Variants in CFAP20DC observed in about 807,000 individuals in gnomAD.
CFAP20DC encodes protein CFAP20DC.
Under a neutral mutation model 101.7 loss-of-function variants are expected in CFAP20DC, and 84 were observed. The ratio of observed to expected loss-of-function variants is 0.83; its 90% CI spans 0.69 to 0.99. CFAP20DC has a LOEUF of 0.99. Ranked by LOEUF, CFAP20DC falls within the 50% of genes least tolerant of loss-of-function variation. The pLI is 0.00. For missense variants in CFAP20DC, 1,007 were observed against 970.3 expected, an observed-to-expected ratio of 1.04 and a Z score of -0.50; for synonymous variants, 359 against 351.2, an observed-to-expected ratio of 1.02 and a Z score of -0.25.
rs1006243305 is a variant in CFAP20DC at position 58,861,941 on chromosome 3, T to C, written c.1593+1617A>G. The C allele has an allele frequency of 7.3e-5, 72 of 983,724 alleles. No homozygotes were observed. Among genetic ancestry groups the C allele is most frequent in the Non-Finnish European group, 8.6e-5 (71 of 828,492 alleles). 60.9% of individuals were successfully genotyped at this position (983,724 alleles called of 1,614,324 possible). ...TCTGCATAATAAACGTTGAAGGATG[T>C]CAGAGGCAGAGTAGCTACAGCAAAA... On this transcript the variant is annotated intron_variant, in intron 12 of 16. Transcript: ENST00000482387. The surrounding 1 kb of genome is among the most constrained non-coding windows in gnomAD (Gnocchi z 4.0).
At chr3:58,887,320 TAGA>T (rs1341267824) in intron 6 of CFAP20DC, 4 of 152,206 alleles carry the variant, frequency 2.6e-5, no homozygotes, top group Admixed American at 2.0e-4. Context: ...TCCTTTGAGA[TAGA>T]AGAAGATAAT....
At chr3:58,956,121 G>A (rs899301156) in intron 4 of CFAP20DC, among the ~76,000 whole-genome samples, 2 of 151,478 alleles carry the variant, frequency 1.3e-5, no homozygotes. Context: ...TGGCTATGGG[G>A]TGAGACTTCT....
intron 4 of CFAP20DC, among the ~76,000 whole-genome samples, chr3:58,975,224 T>A (rs749814949): frequency 2.6e-5 from 4 of 152,202 alleles, no homozygotes; most frequent in Non-Finnish European, 5.9e-5. Flanking sequence ...AATATTCTTA[T>A]CACCTTATCT....
At chr3:58,950,759 T>C (rs2090009597) in intron 4 of CFAP20DC, among the ~76,000 whole-genome samples, 1 of 152,118 alleles carries the variant, frequency 6.6e-6, no homozygotes, top group African/African-American at 2.4e-5. Flanking sequence ...CAAAAATTAA[T>C]TCAAGATGGA....
intron 15 of CFAP20DC, among the ~76,000 whole-genome samples, chr3:58,796,842 T>A (rs1436884846): frequency 6.6e-6 from 1 of 152,204 alleles, no homozygotes; most frequent in African/African-American, 2.4e-5. Flanking sequence ...ATTCTCTAAA[T>A]ATTTCAAATT....
At chr3:58,822,197 A>T (rs563768705) in intron 14 of CFAP20DC, among the ~76,000 whole-genome samples, 199 of 149,140 alleles carry the variant, frequency 1.3e-3, no homozygotes, top group African/African-American at 4.7e-3. Context: ...CTAATGCTAG[A>T]TGAGGAGTTA....
intron 4 of CFAP20DC, among the ~76,000 whole-genome samples, chr3:58,941,826 G>A (rs545635727): frequency 1.3e-5 from 2 of 152,278 alleles, no homozygotes; most frequent in South Asian, 4.2e-4. Flanking sequence ...AAAGTGCTGG[G>A]ATTACAGACG....
chr3:58,809,378 A>G (rs2074405634), intron 14 of CFAP20DC, among the ~76,000 whole-genome samples: 1 of 152,222 alleles, frequency 6.6e-6, no homozygotes, highest in African/African-American at 2.4e-5. Context: ...CAATCAAACT[A>G]GAACTCAGGA....
intron 13 of CFAP20DC, among the ~76,000 whole-genome samples, chr3:58,840,368 A>G (rs973352480): frequency 2.6e-5 from 4 of 152,224 alleles, no homozygotes; most frequent in African/African-American, 9.6e-5. Context: ...CCCAAATTCA[A>G]TTCAAGACCT....
rs1340222436 is a variant in CFAP20DC at position 59,015,887 on chromosome 3, TC to T, written c.278+23669del. Among the ~76,000 whole-genome samples, 1 of 152,108 alleles carries T rather than the reference TC, an allele frequency of 6.6e-6. No individual in the cohort carries two copies. ...CTTTAGAAGCCTGAGGTTGGGATTCTCTTTTGAAGCAATGGGCGAGGAACAT... is the reference window on the plus strand; with the variant it reads ...CTTTAGAAGCCTGAGGTTGGGATTCTTTTTGAAGCAATGGGCGAGGAACAT... On this transcript the variant is annotated intron_variant, in intron 4 of 16. Coordinates refer to ENST00000482387, the MANE Select transcript of CFAP20DC (RefSeq NM_001394063.1). The surrounding 1 kb of genome is among the most constrained non-coding windows in gnomAD (Gnocchi z 5.4).
rs748644551 is a variant in CFAP20DC, at chr3:59,021,815, C to CAG, written c.278+17740_278+17741dup. Among the ~76,000 whole-genome samples the CAG allele has an allele frequency of 6.6e-5, 10 of 151,110 alleles. 1 individual carries two copies. Among genetic ancestry groups the CAG allele is most frequent in the South Asian group, 2.1e-4 (1 of 4,812 alleles). ...AGAGTAGCTGCGGGGAAGAGAGAGA[C>CAG]AGAGAGAGAGAGAGACCTGTTGACA... On this transcript the variant is annotated intron_variant, in intron 4 of 16. Transcript: ENST00000482387.
intron 15 of CFAP20DC, among the ~76,000 whole-genome samples, chr3:58,792,838 C>A (rs2072965284): frequency 6.6e-6 from 1 of 151,800 alleles, no homozygotes; most frequent in Non-Finnish European, 1.5e-5. Context: ...AAGATAAATT[C>A]TTGTTGTAAG....
rs1350534073 is a variant in CFAP20DC at position 58,930,086 on chromosome 3, T to C, written c.393+7562A>G. On this transcript the variant is annotated intron_variant, in intron 5 of 16. Transcript: ENST00000482387. ...ACCCACTTCTTCAGAGGGCCTTCTC[T>C]GACCACTCTCCTTTTACTCTGTAGT... Among the ~76,000 whole-genome samples, 3 of 152,216 alleles carry C rather than the reference T, an allele frequency of 2.0e-5. No individual in the cohort carries two copies. In the East Asian group the frequency reaches 5.8e-4, roughly 29 times the overall value.
At chr3:59,012,316 A>G (rs2108876770) in intron 4 of CFAP20DC, among the ~76,000 whole-genome samples, 1 of 152,344 alleles carries the variant, frequency 6.6e-6, no homozygotes, top group South Asian at 2.1e-4. Flanking sequence ...ACAGTATGTG[A>G]TAGTTTCCGG....
Position 58,831,443 on chromosome 3 carries a change from A to G in CFAP20DC, c.2175+243T>C, listed in dbSNP as rs183384372. On this transcript the variant is annotated intron_variant, in intron 14 of 16. Coordinates refer to ENST00000482387, the MANE Select transcript of CFAP20DC (RefSeq NM_001394063.1). ...TAAAATTGTTCTTTTTGTTCTTTCA[A>G]TGTGTGATTTGATATATCATCATAT... Among the ~76,000 whole-genome samples, 81 of 152,322 alleles carry G rather than the reference A, an allele frequency of 5.3e-4. 1 individual carries two copies. The highest frequency in any genetic ancestry group is 5.2e-4 in the Admixed American group (8 of 15,300).
rs1336929547 is a variant in CFAP20DC, at chr3:58,890,205, G to C, written c.551-5496C>G. ...GGCTGACCCCCCCACCTCCCTCCCG[G>C]ACGGGGCGGCTGGCCGGGCAGAGGG... is the stretch of plus-strand genomic sequence containing the variant. On this transcript the variant is annotated intron_variant, in intron 6 of 16. Coordinates refer to ENST00000482387, the MANE Select transcript of CFAP20DC (RefSeq NM_001394063.1). Among the ~76,000 whole-genome samples the C allele has an allele frequency of 2.7e-5, 4 of 147,440 alleles. No homozygotes were observed. In the East Asian group the frequency reaches 8.3e-4, roughly 31 times the overall value.
chr3:58,931,331 C>T (rs2086645271), intron 5 of CFAP20DC, among the ~76,000 whole-genome samples: 1 of 152,202 alleles, frequency 6.6e-6, no homozygotes, highest in Non-Finnish European at 1.5e-5. Flanking sequence ...GTAGGCTCCA[C>T]CTTTGGGGGC....
intron 12 of CFAP20DC, among the ~76,000 whole-genome samples, chr3:58,853,517 C>T (rs1389331664): frequency 6.6e-6 from 1 of 152,132 alleles, no homozygotes; most frequent in South Asian, 2.1e-4. Context: ...CAAAGCTGGG[C>T]AGAGACACAA....
intron 16 of CFAP20DC, among the ~76,000 whole-genome samples, chr3:58,752,191 A>G (rs186691794): frequency 6.6e-6 from 1 of 152,276 alleles, no homozygotes; most frequent in African/African-American, 2.4e-5. Context: ...AATTAACTAC[A>G]AACCACTCAA....
Sources: gnomAD v4.1 joint callset for allele counts (sites outside exome capture counted in the v4.1 genomes callset) on GRCh38, gnomAD v4.1.1 for gene constraint, Gnocchi (gnomAD v3.1) non-coding constraint, MANE v1.5 for transcripts, NCBI Gene and HGNC (gene_info 2026-07-23, HGNC 2026-07-21) for gene names.